Variants in RFX1 observed in about 807,000 individuals in gnomAD.
RFX1 encodes the protein MHC class II regulatory factor RFX1.
A neutral mutation model predicts 119.6 loss-of-function variants in RFX1; 42 were observed. That is an observed-to-expected ratio of 0.35 (90% CI 0.27 to 0.45). The LOEUF (loss-of-function observed/expected upper bound fraction) is 0.45. Ranked by LOEUF, RFX1 falls within the 20% of genes least tolerant of loss-of-function variation. RFX1 has a pLI of 1.00. For missense variants in RFX1, 1,118 were observed against 1,368.1 expected (o/e 0.82, Z 2.88); for synonymous variants, 628 against 618.5 (o/e 1.02, Z -0.23).
In RFX1 at chr19:13,966,389, T is replaced by C. The variant is rs1973896968; in HGVS notation, c.1961+32A>G. On this transcript the variant is annotated intron_variant, in intron 14 of 20. Transcript: ENST00000254325. The surrounding 1 kb of genome is among the most constrained non-coding windows in gnomAD (Gnocchi z 6.3). ...CTGCGGGTCATGCCCTCCTCCCCCCTCTCCCTCCCACAGTCGCCGGGCAGT... is the reference window on the plus strand; with the variant it reads ...CTGCGGGTCATGCCCTCCTCCCCCCCCTCCCTCCCACAGTCGCCGGGCAGT... 7.0e-7 allele frequency: 1 copy of C among 1,436,560 alleles called. No individual in the cohort carries two copies. Among genetic ancestry groups the C allele is most frequent in the Admixed American group, 1.7e-5 (1 of 59,526 alleles). The allele number at this position is 1,436,560 out of a possible 1,614,324, so 89.0% of individuals were successfully genotyped here.
In RFX1 at chr19:13,970,661, CAAAAAAAAAAAAAAAA is replaced by C. The variant is rs1167910642; in HGVS notation, c.1315-502_1315-487del. On this transcript the variant is annotated intron_variant, in intron 9 of 20. Transcript: ENST00000254325. The stretch of plus-strand genomic sequence containing the variant: ...GCCTGGATACAGTGAGACCTTGTCT[CAAAAAAAAAAAAAAAA>C]AAAAAAAAAAAAAAAAAAAATTAGC... Among the ~76,000 whole-genome samples the C allele has an allele frequency of 1.4e-3, 35 of 25,828 alleles. No individual in the cohort carries two copies. In the East Asian group the frequency reaches 0.019, roughly 14 times the overall value. 16.9% of individuals were successfully genotyped at this position (25,828 alleles called of 152,430 possible). A position where few individuals can be genotyped will look rare whatever the true frequency, so the allele number is the denominator to read the frequency against.
At chr19:14,006,588 G>T (rs1037907593), upstream of RFX1, 2 of 152,232 alleles carry the variant, frequency 1.3e-5, no homozygotes, top group Non-Finnish European at 2.9e-5. Context: ...CGTGAGGACG[G>T]GATTGGTTTG....
chr19:13,962,986 T>A lies in RFX1; in HGVS notation c.2770+8A>T. ...CCCGCGCCCTGGGTGGGAACACGCC[T>A]CGCCTACCTTTGTCGGGGTCCAGGG... is the stretch of plus-strand genomic sequence containing the variant. On this transcript the variant is annotated splice_region_variant and intron_variant, in intron 20 of 20. Transcript: ENST00000254325. The A allele has an allele frequency of 6.5e-7, 1 of 1,550,338 alleles. No homozygotes were observed. Among genetic ancestry groups the A allele is most frequent in the Non-Finnish European group, 8.7e-7 (1 of 1,146,528 alleles).
chr19:13,962,674 T>TGGGGGGGGGGGGGGGG lies in RFX1; in HGVS notation c.*20_*21insCCCCCCCCCCCCCCCC. ...GGCGTGGAGGGGTGGCGGGGGCGGG[T>TGGGGGGGGGGGGGGGG]GGGGCGGGGAGGCCAAGGGCTTAGC... On this transcript the variant is annotated 3_prime_UTR_variant, in exon 21 of 21. Transcript: ENST00000254325. The TGGGGGGGGGGGGGGGG allele has an allele frequency of 2.8e-6, 1 of 356,510 alleles. No homozygotes were observed. Among genetic ancestry groups the TGGGGGGGGGGGGGGGG allele is most frequent in the South Asian group, 1.0e-4 (1 of 9,722 alleles). 22.1% of individuals were successfully genotyped at this position (356,510 alleles called of 1,614,324 possible).
At chr19:13,993,108 A>G (rs1307315329) in intron 2 of RFX1, among the ~76,000 whole-genome samples, 1 of 152,136 alleles carries the variant, frequency 6.6e-6, no homozygotes, top group Non-Finnish European at 1.5e-5. Flanking sequence ...TGCCTGAGCA[A>G]CATGGGAAGA....
Position 13,986,462 on chromosome 19 carries a change from G to C in RFX1, c.320-2867C>G, listed in dbSNP as rs556490244. On this transcript the variant is annotated intron_variant, in intron 2 of 20. Coordinates refer to ENST00000254325, the MANE Select transcript of RFX1 (RefSeq NM_002918.5). The surrounding 1 kb of genome is among the most constrained non-coding windows in gnomAD (Gnocchi z 4.2). The stretch of plus-strand genomic sequence containing the variant: ...GAGCCTGAGTGACTCATGCGGATGA[G>C]GGCTTCCTGTGCAGCCATCCCTGTC... 4.6e-5 allele frequency among the ~76,000 whole-genome samples: 7 copies of C among 152,316 alleles called. No individual in the cohort carries two copies. The highest frequency in any genetic ancestry group is 3.9e-4 in the East Asian group (2 of 5,178).
intron 2 of RFX1, among the ~76,000 whole-genome samples, chr19:13,991,697 C>T (rs1974807611): frequency 1.3e-5 from 2 of 152,038 alleles, no homozygotes; most frequent in African/African-American, 2.4e-5. Context: ...ATTCTCGCTC[C>T]GTTACCCAGG....
At chr19:14,004,390 C>A (rs1369894136) in intron 1 of RFX1, among the ~76,000 whole-genome samples, 3 of 152,144 alleles carry the variant, frequency 2.0e-5, no homozygotes, top group Non-Finnish European at 4.4e-5. Context: ...CGCCTGTAGT[C>A]CCAGCGACTC....
At position 13,962,404 on chromosome 19, in the gene RFX1, G is replaced by C. The variant is rs987782358; in HGVS notation, c.*291C>G. The stretch of plus-strand genomic sequence containing the variant: ...GGACGGGGCTGGGGAGAAGACGCTG[G>C]GGCCTGGGAGGGGGGCGGCCAAGGG... On this transcript the variant is annotated 3_prime_UTR_variant, in exon 21 of 21. Transcript: ENST00000254325. 8.6e-6 allele frequency: 4 copies of C among 467,616 alleles called. No homozygotes were observed. The highest frequency in any genetic ancestry group is 8.3e-5 in the Admixed American group (2 of 24,102). The allele number at this position is 467,616 out of a possible 1,614,324, so 29.0% of individuals were successfully genotyped here.
At chr19:14,004,956 T>A (rs1037625550) in intron 1 of RFX1, among the ~76,000 whole-genome samples, 8 of 152,222 alleles carry the variant, frequency 5.3e-5, no homozygotes, top group Admixed American at 3.9e-4. Flanking sequence ...CCTGCCCACG[T>A]GGCCCTAGAG....
chr19:13,971,226 C>A (rs370477828), intron 9 of RFX1, among the ~76,000 whole-genome samples: 4 of 151,608 alleles, frequency 2.6e-5, no homozygotes, highest in Non-Finnish European at 5.9e-5. Flanking sequence ...CCCAGCTACT[C>A]GAGAGGCTGA....
rs916253351 is a variant in RFX1 at position 13,986,315 on chromosome 19, C to G, written c.320-2720G>C. ...GAGGAGGCCTGGGGACCTGCTGAGA[C>G]CAGGTGGCTGTCTCCAGGAAGCAGC... On this transcript the variant is annotated intron_variant, in intron 2 of 20. Transcript: ENST00000254325. This position sits in a 1 kb window ranked among gnomAD's most constrained non-coding sequence, Gnocchi z 4.2. Among the ~76,000 whole-genome samples the G allele has an allele frequency of 2.0e-5, 3 of 152,172 alleles. No individual in the cohort carries two copies. Among genetic ancestry groups the G allele is most frequent in the Non-Finnish European group, 4.4e-5 (3 of 68,004 alleles).
At chr19:13,977,694 G>A (rs1974290451) in intron 8 of RFX1, among the ~76,000 whole-genome samples, 1 of 151,968 alleles carries the variant, frequency 6.6e-6, no homozygotes, top group Admixed American at 6.6e-5. Flanking sequence ...TGGGATTACA[G>A]GCGTGAGCCA....
chr19:13,978,137 G>C, intron 7 of RFX1, 51 bp from the exon 8 acceptor site: 1 of 1,399,748 alleles, frequency 7.1e-7, no homozygotes, highest in Non-Finnish European at 1.0e-6. Context: ...CAGCTCCTAC[G>C]GTTCTCCCTC....
At chr19:13,978,729 G>A (rs1599491762) in intron 7 of RFX1, among the ~76,000 whole-genome samples, 1 of 148,614 alleles carries the variant, frequency 6.7e-6, no homozygotes, top group Non-Finnish European at 1.5e-5. Context: ...GCTGCCCCCC[G>A]CCCGTGCGTC....
intron 1 of RFX1, among the ~76,000 whole-genome samples, chr19:14,001,122 C>T (rs910962404): frequency 2.0e-5 from 3 of 152,118 alleles, no homozygotes; most frequent in Non-Finnish European, 2.9e-5. Flanking sequence ...CTCATGGCCT[C>T]GGCCCCACCT....
At chr19:13,976,441 C>A (rs998661698) in intron 8 of RFX1, among the ~76,000 whole-genome samples, 1 of 152,212 alleles carries the variant, frequency 6.6e-6, no homozygotes, top group Non-Finnish European at 1.5e-5. Context: ...CGGCGAGGAG[C>A]CCGAGCCGGG....
In RFX1 at chr19:13,965,469, C is replaced by T. The variant is rs1973864255; in HGVS notation, c.2191G>A (p.Glu731Lys). 6.2e-7 allele frequency: 1 copy of T among 1,613,834 alleles called. No individual in the cohort carries two copies. The highest frequency in any genetic ancestry group is 8.5e-7 in the Non-Finnish European group (1 of 1,179,918). ...CTCACCTTCACCCGCAGCATCTCCT[C>T]GGGGATGTTGACCATGGCGTGGGTG... ...WLTHAMVNIP[E>K]EMLRVKVAAA... The change falls in exon 16 of 21, where the codon GAG becomes AAG. Residue 731 changes from glutamate to lysine, a missense_variant. By Grantham distance (56) the Glu-to-Lys change is moderately conservative. Transcript: ENST00000254325. The surrounding 1 kb of genome is among the most constrained non-coding windows in gnomAD (Gnocchi z 4.7).
chr19:13,971,571 A>G (rs1237150521), intron 9 of RFX1, among the ~76,000 whole-genome samples: 2 of 152,174 alleles, frequency 1.3e-5, no homozygotes, highest in Non-Finnish European at 2.9e-5. Context: ...GAAGCTCCCC[A>G]TGGCAGTGCT....
Sources: allele counts gnomAD v4.1 joint callset (sites outside exome capture counted in the v4.1 genomes callset), GRCh38; gene constraint gnomAD v4.1.1; non-coding constraint Gnocchi (gnomAD v3.1); transcripts MANE v1.5; gene names NCBI Gene and HGNC (gene_info 2026-07-23, HGNC 2026-07-21).